The following SLC44A5 variants were observed in gnomAD, a reference collection of about 807,000 sequenced individuals.
SLC44A5 encodes solute carrier family 44 member 5.
Under a neutral mutation model 101.8 loss-of-function variants are expected in SLC44A5, and 57 were observed. That is an observed-to-expected ratio of 0.56 (90% confidence interval 0.45 to 0.70). SLC44A5 has a LOEUF of 0.70. Among genes scored for constraint, SLC44A5 ranks in the 30% least tolerant of loss-of-function variants. SLC44A5 has a pLI of 0.00. For missense variants in SLC44A5, 737 were observed against 853.1 expected (o/e 0.86, Z 1.70); for synonymous variants, 281 against 290.9 (o/e 0.97, Z 0.35).
chr1:75,237,240 C>G (rs1648172989), intron 10 of SLC44A5, among the ~76,000 whole-genome samples, 170 bp from the exon 11 acceptor site: 1 of 151,532 alleles, frequency 6.6e-6, no homozygotes, highest in African/African-American at 2.4e-5. Context: ...AATGTCACTT[C>G]AGTAAACCTG....
At chr1:75,306,862 G>C (rs1015898935) in intron 4 of SLC44A5, among the ~76,000 whole-genome samples, 1 of 148,720 alleles carries the variant, frequency 6.7e-6, no homozygotes, top group African/African-American at 2.5e-5. Flanking sequence ...AGCCTCCCGA[G>C]TAGCTGGGAC....
chr1:75,426,222 C>A (rs1273736952), intron 2 of SLC44A5, among the ~76,000 whole-genome samples: 1 of 152,174 alleles, frequency 6.6e-6, no homozygotes, highest in Non-Finnish European at 1.5e-5. Flanking sequence ...AGAAGCCAAG[C>A]CAAACCGTAG....
intron 2 of SLC44A5, among the ~76,000 whole-genome samples, chr1:75,530,817 C>A (rs1292387397): frequency 6.6e-6 from 1 of 152,166 alleles, no homozygotes; most frequent in Non-Finnish European, 1.5e-5. Flanking sequence ...AGCCTGCAAT[C>A]CCATCCTATG....
upstream of SLC44A5, among the ~76,000 whole-genome samples, chr1:75,613,804 C>T (rs967773272): frequency 6.6e-6 from 1 of 152,164 alleles, no homozygotes; most frequent in Non-Finnish European, 1.5e-5. Context: ...ACAAATGATT[C>T]CATACTGACC....
the SLC44A5 span, among the ~76,000 whole-genome samples, chr1:75,666,907 C>T: frequency 6.6e-6 from 1 of 152,128 alleles, no homozygotes; most frequent in African/African-American, 2.4e-5. Flanking sequence ...TAAAAACTCT[C>T]AATAAACTAG....
At chr1:75,501,535 T>C (rs1226563135) in intron 2 of SLC44A5, among the ~76,000 whole-genome samples, 1 of 152,234 alleles carries the variant, frequency 6.6e-6, no homozygotes, top group African/African-American at 2.4e-5. Flanking sequence ...ATGATAGCAA[T>C]ACTTTTATGT....
chr1:75,664,854 G>A, the SLC44A5 span, among the ~76,000 whole-genome samples: 292 of 151,268 alleles, frequency 1.9e-3, 1 homozygote, highest in African/African-American at 6.6e-3. Flanking sequence ...CTGGGAGGCT[G>A]AGCTTGCAGT....
intron 2 of SLC44A5, among the ~76,000 whole-genome samples, chr1:75,475,839 T>C (rs1667359075): frequency 6.6e-6 from 1 of 152,228 alleles, no homozygotes; most frequent in Non-Finnish European, 1.5e-5. Flanking sequence ...GGTGAACTTA[T>C]TTAACCTCCC....
At chr1:75,455,918 A>T (rs934498300) in intron 2 of SLC44A5, among the ~76,000 whole-genome samples, 1 of 152,198 alleles carries the variant, frequency 6.6e-6, no homozygotes. Context: ...TAGGAATGTA[A>T]ATTAGTCCAG....
intron 4 of SLC44A5, among the ~76,000 whole-genome samples, chr1:75,316,434 G>GCCAGCTTAAATGTTACCACCTCTGTGAAT (rs1557655105): frequency 3.9e-5 from 6 of 152,086 alleles, no homozygotes; most frequent in African/African-American, 9.7e-5. Flanking sequence ...CCTCTGTGAA[G>GCCAGCTTAAATGTTACCACCTCTGTGAAT]CAATCATTTG....
At chr1:75,443,345 CT>C (rs1665316078) in intron 2 of SLC44A5, among the ~76,000 whole-genome samples, 1 of 151,546 alleles carries the variant, frequency 6.6e-6, no homozygotes, top group African/African-American at 2.4e-5. Context: ...AGACTAAAAG[CT>C]TTGAGAAAAC....
chr1:75,336,147 G>A (rs926745334), intron 4 of SLC44A5, among the ~76,000 whole-genome samples: 9 of 152,002 alleles, frequency 5.9e-5, no homozygotes, highest in Non-Finnish European at 8.8e-5. Flanking sequence ...TTTGTAAAAT[G>A]TATGGTTATT....
At chr1:75,561,341 A>C (rs375473996) in intron 1 of SLC44A5, among the ~76,000 whole-genome samples, 7 of 152,258 alleles carry the variant, frequency 4.6e-5, no homozygotes, top group African/African-American at 1.7e-4. Flanking sequence ...TTGTTTTTTC[A>C]AATTACTCTT....
chr1:75,674,644 A>C, the SLC44A5 span, among the ~76,000 whole-genome samples: 1 of 152,076 alleles, frequency 6.6e-6, no homozygotes, highest in African/African-American at 2.4e-5. Flanking sequence ...AGCCTCCCAT[A>C]ATGCTGGGAT....
chr1:75,316,629 G>C (rs112035868), intron 4 of SLC44A5, among the ~76,000 whole-genome samples: 128 of 152,308 alleles, frequency 8.4e-4, no homozygotes, highest in African/African-American at 3.1e-3. Flanking sequence ...ATATTTGTTA[G>C]ATAAATGAAT....
the SLC44A5 span, among the ~76,000 whole-genome samples, chr1:75,637,804 T>G: frequency 6.6e-6 from 1 of 151,902 alleles, no homozygotes; most frequent in African/African-American, 2.4e-5. Flanking sequence ...TTGGGAAAAT[T>G]TATAAGAATT....
At chr1:75,210,479 C>T (rs1171062977) in intron 23 of SLC44A5, among the ~76,000 whole-genome samples, 2 of 152,092 alleles carry the variant, frequency 1.3e-5, no homozygotes, top group Non-Finnish European at 2.9e-5. Context: ...AAAATTAATC[C>T]AACTATTTCC....
At chr1:75,647,568 T>C in the SLC44A5 span, among the ~76,000 whole-genome samples, 2 of 152,060 alleles carry the variant, frequency 1.3e-5, no homozygotes, top group East Asian at 1.9e-4. Flanking sequence ...TACCAGCCCA[T>C]GAAAACAGCC....
chr1:75,442,517 A>G (rs1557787900), intron 2 of SLC44A5, among the ~76,000 whole-genome samples: 2 of 152,008 alleles, frequency 1.3e-5, no homozygotes, highest in Admixed American at 1.3e-4. Flanking sequence ...CCCTCCCTCA[A>G]TATCTAATCA....
Sources: gnomAD v4.1 joint callset for allele counts (sites outside exome capture counted in the v4.1 genomes callset) on GRCh38, gnomAD v4.1.1 for gene constraint, MANE v1.5 for transcripts, NCBI Gene and HGNC (gene_info 2026-07-23, HGNC 2026-07-21) for gene names.